CHODL: variants seen among roughly 807,000 people sequenced by gnomAD.
The protein encoded by CHODL is transmembrane protein MT75.
In CHODL, 29 loss-of-function variants were observed where a neutral mutation model predicts 34.5. That is an observed-to-expected ratio of 0.84 (90% CI 0.63 to 1.15). The LOEUF (loss-of-function observed/expected upper bound fraction) is 1.15, where lower values mean the gene tolerates loss of function less well. CHODL is among the 50% of genes most tolerant of loss of function. The pLI is 0.00. For synonymous variants in CHODL, 125 were observed against 116.1 expected (o/e 1.08, Z -0.49); for missense variants, 332 against 332.5 (o/e 1.00, Z 0.01).
At chr21:18,112,164 A>G (rs1347683717) in intron 2 of CHODL, among the ~76,000 whole-genome samples, 1 of 152,144 alleles carries the variant, frequency 6.6e-6, no homozygotes, top group Non-Finnish European at 1.5e-5. Context: ...TGTGTAATGG[A>G]TTGTGAAAGT....
At chr21:17,943,099 C>A (rs2063378887) in intron 1 of CHODL, among the ~76,000 whole-genome samples, 1 of 152,100 alleles carries the variant, frequency 6.6e-6, no homozygotes, top group Non-Finnish European at 1.5e-5. Context: ...TTATAAATTA[C>A]CCAGTTTCAT....
chr21:18,156,205 T>TA (rs1343148438), intron 2 of CHODL, among the ~76,000 whole-genome samples: 1 of 152,218 alleles, frequency 6.6e-6, no homozygotes, highest in African/African-American at 2.4e-5. Context: ...AAAGGCAACT[T>TA]ACGTTCAATC....
intron 1 of CHODL, among the ~76,000 whole-genome samples, chr21:17,948,491 A>G (rs1177620636): frequency 6.6e-6 from 1 of 152,052 alleles, no homozygotes; most frequent in Non-Finnish European, 1.5e-5. Flanking sequence ...CAAAATTAAG[A>G]GTTTGTTTTT....
chr21:17,988,731 A>T (rs1281469191), intron 1 of CHODL, among the ~76,000 whole-genome samples: 3 of 151,184 alleles, frequency 2.0e-5, no homozygotes, highest in Non-Finnish European at 4.4e-5. Context: ...CATGAACTCA[A>T]CATTTTTTGT....
intron 3 of CHODL, among the ~76,000 whole-genome samples, chr21:18,257,932 G>A (rs777038525): frequency 6.6e-6 from 1 of 152,214 alleles, no homozygotes; most frequent in Non-Finnish European, 1.5e-5. Flanking sequence ...TAGATCCTTA[G>A]GCTTTGAGAT....
intron 1 of CHODL, among the ~76,000 whole-genome samples, chr21:17,938,968 T>A (rs1359314382): frequency 6.6e-6 from 1 of 152,216 alleles, no homozygotes; most frequent in Non-Finnish European, 1.5e-5. Context: ...ACAAATAAAT[T>A]ATCCCTACAC....
chr21:18,110,704 A>T (rs1274343588), intron 2 of CHODL, among the ~76,000 whole-genome samples: 1 of 152,196 alleles, frequency 6.6e-6, no homozygotes, highest in Non-Finnish European at 1.5e-5. Flanking sequence ...ATTTGCTCAA[A>T]AGCATTTGGA....
At chr21:18,158,851 A>AAT (rs2073063969) in intron 2 of CHODL, among the ~76,000 whole-genome samples, 11 of 151,516 alleles carry the variant, frequency 7.3e-5, no homozygotes, top group Admixed American at 7.2e-4. Flanking sequence ...AAAAAAAAAA[A>AAT]AAAAGAAGAA....
intron 2 of CHODL, among the ~76,000 whole-genome samples, chr21:18,225,973 A>G (rs2073927482): frequency 6.6e-6 from 1 of 152,212 alleles, no homozygotes; most frequent in African/African-American, 2.4e-5. Flanking sequence ...TCATAGACAT[A>G]CAGAGATAAT....
chr21:18,264,526 G>A (rs185060155), intron 5 of CHODL, among the ~76,000 whole-genome samples: 143 of 150,476 alleles, frequency 9.5e-4, no homozygotes, highest in Middle Eastern at 3.4e-3. Flanking sequence ...TGCTTGAACC[G>A]GGGAGGCGGA....
At chr21:18,114,325 G>A (rs1352829573) in intron 2 of CHODL, among the ~76,000 whole-genome samples, 4 of 152,080 alleles carry the variant, frequency 2.6e-5, no homozygotes, top group Admixed American at 1.3e-4. Flanking sequence ...AATGCTTGAG[G>A]GGATGGATAC....
At chr21:18,034,799 C>A (rs879571780) in intron 2 of CHODL, among the ~76,000 whole-genome samples, 13 of 151,982 alleles carry the variant, frequency 8.6e-5, no homozygotes, top group Non-Finnish European at 1.6e-4. Context: ...GTTCTTTCTC[C>A]AGGGAGGAAA....
chr21:18,153,380 A>G (rs1006273030), intron 2 of CHODL, among the ~76,000 whole-genome samples: 1 of 152,150 alleles, frequency 6.6e-6, no homozygotes, highest in African/African-American at 2.4e-5. Flanking sequence ...AGAAGCTGTC[A>G]AATTTCCTGG....
At chr21:17,978,982 C>A (rs1013300772) in intron 1 of CHODL, among the ~76,000 whole-genome samples, 1 of 152,122 alleles carries the variant, frequency 6.6e-6, no homozygotes, top group Non-Finnish European at 1.5e-5. Flanking sequence ...TGCATTGAAT[C>A]CTTCTCATGC....
chr21:18,026,436 G>GTTCT (rs2064175723), intron 1 of CHODL, among the ~76,000 whole-genome samples: 1 of 4,266 alleles, frequency 2.3e-4, no homozygotes, highest in Non-Finnish European at 4.8e-4. Flanking sequence ...AACAGTAGGG[G>GTTCT]TTCGACAAGC....
intron 1 of CHODL, among the ~76,000 whole-genome samples, chr21:17,924,522 G>A (rs1285839479): frequency 6.6e-6 from 1 of 152,214 alleles, no homozygotes; most frequent in East Asian, 1.9e-4. Context: ...AGGAGAGGAG[G>A]TGAACAAGGA....
chr21:18,010,118 CAAAAAAAAAAAAAAA>C (rs547675850), intron 1 of CHODL, among the ~76,000 whole-genome samples: 3 of 61,232 alleles, frequency 4.9e-5, no homozygotes, highest in Non-Finnish European at 8.8e-5. Flanking sequence ...TACTAAAATA[CAAAAAAAAAAAAAAA>C]AAAAAAAAAA....
At chr21:18,016,340 A>G (rs1247481248) in intron 1 of CHODL, among the ~76,000 whole-genome samples, 3 of 152,218 alleles carry the variant, frequency 2.0e-5, no homozygotes, top group Non-Finnish European at 4.4e-5. Context: ...TGCAAGCCGC[A>G]AGCCTTGGTG....
rs561831792 is a variant in CHODL at position 18,054,340 on chromosome 21, A to G, written c.-45+26369A>G. On this transcript the variant is annotated intron_variant, in intron 2 of 6. Coordinates refer to the CHODL transcript ENST00000400127. Reference sequence around the variant, plus strand: ...AACATTTTTTTCTCCAATTTTTTATATGGCTTATGACTGTCATACCAACTT... The same window carrying G: ...AACATTTTTTTCTCCAATTTTTTATGTGGCTTATGACTGTCATACCAACTT... 5.9e-5 allele frequency among the ~76,000 whole-genome samples: 9 copies of G among 152,054 alleles called. No homozygotes were observed. The East Asian group carries it at 1.7e-3, about 29-fold the overall frequency.
Sources: gnomAD v4.1 joint callset for allele counts (sites outside exome capture counted in the v4.1 genomes callset) on GRCh38, gnomAD v4.1.1 for gene constraint, MANE v1.5 for transcripts, NCBI Gene and HGNC (gene_info 2026-07-23, HGNC 2026-07-21) for gene names.